Variants in FNDC3A observed in about 807,000 individuals in gnomAD.
FNDC3A encodes fibronectin type-III domain-containing protein 3A.
A neutral mutation model predicts 148.9 loss-of-function variants in FNDC3A; 32 were observed. The ratio of observed to expected loss-of-function variants is 0.21; its 90% CI spans 0.16 to 0.29. The LOEUF (loss-of-function observed/expected upper bound fraction) is 0.29. Among genes scored for constraint, FNDC3A ranks in the 10% least tolerant of loss-of-function variants. The pLI is 1.00. For synonymous variants in FNDC3A, 472 were observed against 473.6 expected (o/e 1.00, Z 0.04); for missense variants, 1,191 against 1,452.8 (o/e 0.82, Z 2.93).
At chr13:49,036,072 A>G (rs1351792810) in intron 2 of FNDC3A, among the ~76,000 whole-genome samples, 1 of 152,148 alleles carries the variant, frequency 6.6e-6, no homozygotes, top group Non-Finnish European at 1.5e-5. Context: ...TTAATGTATA[A>G]TTTAGACATT....
chr13:49,116,150 G>A (rs964195573), intron 4 of FNDC3A, among the ~76,000 whole-genome samples: 2 of 152,064 alleles, frequency 1.3e-5, no homozygotes, highest in East Asian at 1.9e-4. Flanking sequence ...GTACCTTTTC[G>A]TTTTATTTTT....
intron 23 of FNDC3A, among the ~76,000 whole-genome samples, chr13:49,199,484 C>T (rs189222553): frequency 1.7e-4 from 26 of 152,082 alleles, no homozygotes; most frequent in African/African-American, 4.8e-4. Context: ...CGCACCACCA[C>T]GCCCGGCTAA....
chr13:49,115,222 A>C (rs1453790965), intron 4 of FNDC3A, among the ~76,000 whole-genome samples: 3 of 151,068 alleles, frequency 2.0e-5, no homozygotes, highest in Non-Finnish European at 2.9e-5. Flanking sequence ...CAGTATCTCC[A>C]TACACCTGTA....
chr13:49,107,386 A>G (rs1880266455), intron 3 of FNDC3A, among the ~76,000 whole-genome samples: 1 of 152,176 alleles, frequency 6.6e-6, no homozygotes, highest in South Asian at 2.1e-4. Context: ...GAGATGGATG[A>G]TATGCATGGT....
chr13:49,085,494 A>G (rs536832808), intron 3 of FNDC3A, among the ~76,000 whole-genome samples: 1 of 152,298 alleles, frequency 6.6e-6, no homozygotes. Flanking sequence ...GGAATCTCTG[A>G]GACACCTCAG....
At position 49,168,647 on chromosome 13, in the gene FNDC3A, C is replaced by G; in HGVS notation, c.1072C>G (p.Pro358Ala). Reference protein sequence around the residue: ...QAEYNSIKGTPSEAEIFTTLS... With the variant: ...QAEYNSIKGTASEAEIFTTLS... The stretch of plus-strand genomic sequence containing the variant: ...AGAATATAATTCTATAAAGGGAACT[C>G]CTTCAGAGGCTGAAATCTTTACCAC... Residue 358 changes from proline to alanine, a missense_variant, in exon 10 of 26, where the codon CCT becomes GCT. This residue lies in a region of FNDC3A where 426 missense variants were observed against 473.2 expected (regional missense o/e 0.90). Coordinates refer to ENST00000492622, the MANE Select transcript of FNDC3A (RefSeq NM_001079673.2). 1 of 1,611,442 alleles carries G rather than the reference C, an allele frequency of 6.2e-7. No homozygotes were observed. Among genetic ancestry groups the G allele is most frequent in the Admixed American group, 1.7e-5 (1 of 60,022 alleles).
rs771093837 is a variant in FNDC3A, at chr13:49,167,288, T to C, written c.1022T>C (p.Met341Thr). Residue 341 changes from methionine (M) to threonine (T), a missense_variant, in exon 9 of 26, where the codon ATG becomes ACG. By Grantham distance (81) the Met-to-Thr change is moderately conservative. Around this residue, in one of 3 missense-constraint regions of FNDC3A, gnomAD observed 426 missense variants for 473.2 expected, o/e 0.90. Transcript: ENST00000492622. ...NITLNDLKPA[M>T]DYHAKVQAEY... is the part of the protein sequence containing the mutation. ...ACTTTAAATGATCTCAAGCCAGCCA[T>C]GGATTACCATGCAAAGTAAGGAATT... The C allele has an allele frequency of 3.1e-6, 5 of 1,602,974 alleles. No homozygotes were observed. Among genetic ancestry groups the C allele is most frequent in the Non-Finnish European group, 3.4e-6 (4 of 1,173,108 alleles).
chr13:49,011,666 A>T (rs1421148434), intron 2 of FNDC3A, among the ~76,000 whole-genome samples: 1 of 152,092 alleles, frequency 6.6e-6, no homozygotes, highest in Non-Finnish European at 1.5e-5. Flanking sequence ...GTGTGGTAGT[A>T]TATGCCTATA....
At chr13:49,019,790 G>T (rs771003737) in intron 2 of FNDC3A, among the ~76,000 whole-genome samples, 9 of 152,084 alleles carry the variant, frequency 5.9e-5, no homozygotes, top group Non-Finnish European at 8.8e-5. Flanking sequence ...GTCCTATAAT[G>T]GGCATTTCCC....
intron 8 of FNDC3A, among the ~76,000 whole-genome samples, chr13:49,162,647 C>T (rs758931582): frequency 1.3e-4 from 20 of 152,132 alleles, no homozygotes; most frequent in Non-Finnish European, 2.5e-4. Flanking sequence ...TGTTTTGTTC[C>T]CGTTGCTGGC....
intron 2 of FNDC3A, among the ~76,000 whole-genome samples, chr13:49,048,198 A>G (rs1875563590): frequency 6.6e-6 from 1 of 152,024 alleles, no homozygotes; most frequent in Non-Finnish European, 1.5e-5. Flanking sequence ...ACTTTATAAT[A>G]TAGTTTGAAA....
At chr13:49,145,231 G>A (rs1436007001) in intron 7 of FNDC3A, among the ~76,000 whole-genome samples, 1 of 152,124 alleles carries the variant, frequency 6.6e-6, no homozygotes, top group African/African-American at 2.4e-5. Context: ...ACCACACTTA[G>A]AGAGTGCCAT....
chr13:49,047,038 A>G (rs144079314), intron 2 of FNDC3A, among the ~76,000 whole-genome samples: 96 of 151,776 alleles, frequency 6.3e-4, no homozygotes, highest in African/African-American at 2.0e-3. Context: ...AAAATCCAAT[A>G]TATCATTCTT....
Position 49,191,286 on chromosome 13 carries a change from A to G in FNDC3A, c.2128A>G (p.Arg710Gly), listed in dbSNP as rs1165524067. The change falls in exon 19 of 26, where the codon AGA (arginine) becomes GGA (glycine). Residue 710 changes from arginine to glycine, a missense_variant. Arg to Gly is a moderately radical substitution (Grantham distance 125, BLOSUM62 -2). Transcript: ENST00000492622. ...EMSPIEKDEP[R>G]EVYQGSEVEC... Reference sequence around the variant, plus strand: ...GTCTCCTATAGAAAAAGATGAACCTAGAGAAGTTTACCAAGGTTCTGAAGT... The same window carrying G: ...GTCTCCTATAGAAAAAGATGAACCTGGAGAAGTTTACCAAGGTTCTGAAGT... 2.5e-6 allele frequency: 4 copies of G among 1,613,016 alleles called. No individual in the cohort carries two copies. Among genetic ancestry groups the G allele is most frequent in the South Asian group, 1.1e-5 (1 of 90,964 alleles).
At chr13:49,156,143 G>A (rs1318165582) in intron 8 of FNDC3A, among the ~76,000 whole-genome samples, 1 of 148,302 alleles carries the variant, frequency 6.7e-6, no homozygotes, top group Non-Finnish European at 1.5e-5. Context: ...CATTATTAAT[G>A]TGTGGGAGTC....
chr13:48,975,833 G>A (rs989770618), upstream of FNDC3A: 1 of 151,574 alleles, frequency 6.6e-6, no homozygotes, highest in African/African-American at 2.4e-5. Context: ...GGCTCGAGGC[G>A]GGGGTTCGGG....
chr13:49,071,513 C>T (rs1209190987), intron 2 of FNDC3A, among the ~76,000 whole-genome samples: 2 of 152,090 alleles, frequency 1.3e-5, no homozygotes, highest in African/African-American at 4.8e-5. Context: ...GAGCATTCTC[C>T]TTTCTCTGCA....
chr13:49,172,727 C>T (rs766756880), intron 11 of FNDC3A, among the ~76,000 whole-genome samples: 4 of 152,130 alleles, frequency 2.6e-5, no homozygotes, highest in East Asian at 1.9e-4. Flanking sequence ...GCTCCTATCT[C>T]GAGATTCTTA....
rs370713858 is a variant in FNDC3A at position 49,153,306 on chromosome 13, C to A, written c.977+7371C>A. Among the ~76,000 whole-genome samples the A allele has an allele frequency of 2.3e-3, 352 of 152,048 alleles. 19 individuals are homozygous for A. In the East Asian group the frequency reaches 0.039, roughly 17 times the overall value. ...ATTTTTTCATGTGTTTTTTGGCTGC[C>A]TAAATGTCTTCTTTTGAGAAGTGTC... On this transcript the variant is annotated intron_variant, in intron 8 of 25. Transcript: ENST00000492622.
Sources: allele counts gnomAD v4.1 joint callset (sites outside exome capture counted in the v4.1 genomes callset), GRCh38; gene constraint gnomAD v4.1.1; regional missense constraint gnomAD v4.1.1; transcripts MANE v1.5; gene names NCBI Gene and HGNC (gene_info 2026-07-23, HGNC 2026-07-21).